GRAMD1B: variants seen among roughly 807,000 people sequenced by gnomAD.
GRAMD1B encodes the protein protein Aster-B.
In GRAMD1B, 37 loss-of-function variants were observed where a neutral mutation model predicts 99.7. That is an observed-to-expected ratio of 0.37 (90% CI 0.29 to 0.49). The LOEUF (loss-of-function observed/expected upper bound fraction) is 0.49. Ranked by LOEUF, GRAMD1B falls within the 20% of genes least tolerant of loss-of-function variation. GRAMD1B has a pLI of 0.98. For missense variants in GRAMD1B, 888 were observed against 1,009.2 expected (o/e 0.88, Z 1.63); for synonymous variants, 427 against 387.6 (o/e 1.10, Z -1.19).
intron 1 of GRAMD1B, chr11:123,432,049 T>C (rs1410886053): frequency 2.5e-6 from 1 of 398,560 alleles, no homozygotes; most frequent in Non-Finnish European, 4.4e-6. Flanking sequence ...TGTGTTCTTG[T>C]GCGGAGCAAC....
intron 2 of GRAMD1B, chr11:123,559,692 G>A (rs112979654): frequency 2.0e-6 from 2 of 985,106 alleles, no homozygotes; most frequent in African/African-American, 1.7e-5. Context: ...TGCCACGAAT[G>A]TAAGTGCTTT....
At chr11:123,614,254 TGCC>T in intron 16 of GRAMD1B, among the ~76,000 whole-genome samples, 1 of 152,202 alleles carries the variant, frequency 6.6e-6, no homozygotes, top group Non-Finnish European at 1.5e-5. Context: ...GGGGGAAGAG[TGCC>T]AGCCTTCTGC....
At chr11:123,516,481 T>TGTTC (rs1941679649) in intron 2 of GRAMD1B, among the ~76,000 whole-genome samples, 1 of 152,242 alleles carries the variant, frequency 6.6e-6, no homozygotes, top group Non-Finnish European at 1.5e-5. Flanking sequence ...AGTAGCAATA[T>TGTTC]GTTCCGAAGG....
rs528427607 is a variant in GRAMD1B at position 123,430,705 on chromosome 11, C to T, written c.-88C>T. 3.6e-5 allele frequency: 21 copies of T among 584,794 alleles called. No homozygotes were observed. The highest frequency in any genetic ancestry group is 2.4e-4 in the African/African-American group (12 of 51,060). 36.2% of individuals were successfully genotyped at this position (584,794 alleles called of 1,614,324 possible). A position where few individuals can be genotyped will look rare whatever the true frequency, so the allele number is the denominator to read the frequency against. ...GGCCCCAGGATTGGGGAGTGTGCCG[C>T]GGGGCCGAGGGTGGGGAACAGCCAG... On this transcript the variant is annotated 5_prime_UTR_variant, in exon 1 of 20. Transcript: ENST00000635736.
chr11:123,572,779 G>A (rs181961729), intron 2 of GRAMD1B, among the ~76,000 whole-genome samples: 1 of 150,402 alleles, frequency 6.6e-6, no homozygotes, highest in East Asian at 2.0e-4. Context: ...GCGCAGGTAG[G>A]CCCCGATGGC....
chr11:123,391,031 A>G (rs769208634), intron 1 of GRAMD1B, among the ~76,000 whole-genome samples: 11 of 152,218 alleles, frequency 7.2e-5, no homozygotes, highest in South Asian at 6.2e-4. Context: ...ACACAAGCAC[A>G]TGGCCTGTGC....
chr11:123,558,359 G>A (rs375105517), intron 2 of GRAMD1B, among the ~76,000 whole-genome samples: 55 of 152,120 alleles, frequency 3.6e-4, no homozygotes, highest in Non-Finnish European at 7.6e-4. Context: ...AATAGCCTAC[G>A]ATCTTCTCAG....
intron 1 of GRAMD1B, among the ~76,000 whole-genome samples, chr11:123,404,185 C>T (rs1366567835): frequency 6.6e-6 from 1 of 152,174 alleles, no homozygotes; most frequent in Non-Finnish European, 1.5e-5. Context: ...GTTATATTCT[C>T]TCATTGAGAA....
chr11:123,477,393 G>C (rs903775773), intron 1 of GRAMD1B, among the ~76,000 whole-genome samples: 2 of 148,298 alleles, frequency 1.3e-5, no homozygotes, highest in Non-Finnish European at 3.0e-5. Context: ...AAATGGAAAC[G>C]GTAAGTGGTA....
chr11:123,569,860 G>T (rs1565388212), intron 2 of GRAMD1B, among the ~76,000 whole-genome samples: 1 of 152,262 alleles, frequency 6.6e-6, no homozygotes, highest in South Asian at 2.1e-4. Flanking sequence ...CAGAGGAGGT[G>T]CTTGTGATAT....
At chr11:123,554,323 T>C (rs1388836080) in intron 2 of GRAMD1B, among the ~76,000 whole-genome samples, 1 of 152,058 alleles carries the variant, frequency 6.6e-6, no homozygotes, top group Non-Finnish European at 1.5e-5. Flanking sequence ...TGCTCATCCA[T>C]ATAGTAGTGT....
chr11:123,540,729 A>G (rs1484985966), intron 2 of GRAMD1B, among the ~76,000 whole-genome samples: 1 of 151,984 alleles, frequency 6.6e-6, no homozygotes, highest in Non-Finnish European at 1.5e-5. Context: ...CCTTCAAGCT[A>G]TTTTTTCTAT....
chr11:123,545,752 T>C (rs74392271), intron 2 of GRAMD1B, among the ~76,000 whole-genome samples: 1 of 76 alleles, frequency 0.013, no homozygotes, highest in South Asian at 0.5. Context: ...ATCTTTCTCT[T>C]TTTTTTTTGG....
intron 2 of GRAMD1B, among the ~76,000 whole-genome samples, chr11:123,567,008 T>G (rs1046819588): frequency 6.6e-6 from 1 of 152,202 alleles, no homozygotes; most frequent in Non-Finnish European, 1.5e-5. Context: ...TGGTAATGAT[T>G]GCCTGGGGTT....
chr11:123,435,094 A>C (rs1386479591), intron 1 of GRAMD1B, among the ~76,000 whole-genome samples: 1 of 152,238 alleles, frequency 6.6e-6, no homozygotes, highest in Admixed American at 6.5e-5. Flanking sequence ...GCTTAAAAGT[A>C]TGAGGTTACA....
intron 4 of GRAMD1B, among the ~76,000 whole-genome samples, chr11:123,586,636 C>G (rs149256170): frequency 6.6e-6 from 1 of 152,186 alleles, no homozygotes; most frequent in Non-Finnish European, 1.5e-5. Context: ...TGCAGCTGAA[C>G]GAGCTCCTCT....
At chr11:123,505,894 A>G (rs956318735) in intron 2 of GRAMD1B, among the ~76,000 whole-genome samples, 2 of 152,022 alleles carry the variant, frequency 1.3e-5, no homozygotes, top group Non-Finnish European at 2.9e-5. Flanking sequence ...CCTGTCATCT[A>G]CATATACAGG....
At chr11:123,609,762 C>G (rs1364254865) in intron 12 of GRAMD1B, 33 bp from the exon 13 acceptor site, 1 of 1,247,056 alleles carries the variant, frequency 8.0e-7, no homozygotes. Flanking sequence ...TCTGCCCTCC[C>G]TTCCTCATTC....
chr11:123,627,008 G>A lies in GRAMD1B; in HGVS notation c.*4413G>A, dbSNP rs1392669023. On this transcript the variant is annotated 3_prime_UTR_variant, in exon 20 of 20. Coordinates refer to ENST00000635736, the MANE Select transcript of GRAMD1B (RefSeq NM_001387025.1). ...GGCCCAGCCAGCTCCCTGTTTTGAT[G>A]TTCTGTGCAACAGCTCCGGGGTCTT... 1 of 152,236 alleles carries A rather than the reference G, an allele frequency of 6.6e-6. No individual in the cohort carries two copies. The highest frequency in any genetic ancestry group is 2.4e-5 in the African/African-American group (1 of 41,418). The allele number at this position is 152,236 out of a possible 1,614,324, so 9.4% of individuals were successfully genotyped here. A position where few individuals can be genotyped will look rare whatever the true frequency, so the allele number is the denominator to read the frequency against.
Sources: allele counts gnomAD v4.1 joint callset (sites outside exome capture counted in the v4.1 genomes callset), GRCh38; gene constraint gnomAD v4.1.1; transcripts MANE v1.5; gene names NCBI Gene and HGNC (gene_info 2026-07-23, HGNC 2026-07-21).